PSG5: variants seen among roughly 807,000 people sequenced by gnomAD.
The protein encoded by PSG5 is pregnancy specific beta-1-glycoprotein 5.
In PSG5, 53 loss-of-function variants were observed where a neutral mutation model predicts 37.7. That is an observed-to-expected ratio of 1.41 (90% CI 1.13 to 1.77). The LOEUF (loss-of-function observed/expected upper bound fraction) is 1.77, where lower values mean the gene tolerates loss of function less well. Among genes scored for constraint, PSG5 ranks in the 40% most tolerant of loss-of-function variants. PSG5 has a pLI of 0.00. For missense variants in PSG5, 547 were observed against 405.2 expected, an observed-to-expected ratio of 1.35 and a Z score of -3.00; for synonymous variants, 221 against 155.4, an observed-to-expected ratio of 1.42 and a Z score of -3.14.
At chr19:43,169,189 C>A (rs538491574) in intron 5 of PSG5, among the ~76,000 whole-genome samples, 22 of 151,776 alleles carry the variant, frequency 1.4e-4, no homozygotes, top group African/African-American at 4.8e-4. Flanking sequence ...ATTTTCAGGT[C>A]TCATTTCCTG....
At chr19:43,168,295 C>T (rs1187722500) in intron 5 of PSG5, 92 bp from the exon 6 acceptor site, 3 of 351,840 alleles carry the variant, frequency 8.5e-6, no homozygotes, top group Non-Finnish European at 1.6e-5. Context: ...AATCCAGTTA[C>T]TTCTGTGGCA....
intron 1 of PSG5, among the ~76,000 whole-genome samples, chr19:43,185,779 T>A (rs533894999): frequency 1.3e-5 from 2 of 151,014 alleles, no homozygotes; most frequent in African/African-American, 4.9e-5. Context: ...CTGAGGACAG[T>A]GTTTCATGTC....
At position 43,175,254 on chromosome 19, in the gene PSG5, C is replaced by T. The variant is rs745777933; in HGVS notation, c.925G>A (p.Gly309Ser). ...GTCATGGATTTGGAGCTTTCCTTGC[C>T]AGTAGCTGAGTTACGAACAGAGCAA... ...YTCSVRNSATGKESSKSMTVE... is the reference protein window; with the variant it reads ...YTCSVRNSATSKESSKSMTVE... The change falls in exon 4 of 6, where the codon GGC becomes AGC. Residue 309 changes from glycine (G) to serine (S), a missense_variant. Transcript: ENST00000342951. The T allele has an allele frequency of 6.2e-7, 1 of 1,612,708 alleles. No homozygotes were observed.
intron 4 of PSG5, among the ~76,000 whole-genome samples, chr19:43,171,983 C>CAAAAAAAAAAAAAAA (rs60198220): frequency 1.9e-4 from 20 of 105,122 alleles, no homozygotes; most frequent in African/African-American, 7.2e-4. Context: ...TCCCTCTCTT[C>CAAAAAAAAAAAAAAA]AAAAAAAAAA....
chr19:43,167,949 A>T lies in PSG5; in HGVS notation c.*295T>A. 2.5e-6 allele frequency: 1 copy of T among 394,698 alleles called. No individual in the cohort carries two copies. Among genetic ancestry groups the T allele is most frequent in the Middle Eastern group, 4.6e-4 (1 of 2,166 alleles). 24.4% of individuals were successfully genotyped at this position (394,698 alleles called of 1,614,324 possible). A position where few individuals can be genotyped will look rare whatever the true frequency, so the allele number is the denominator to read the frequency against. On this transcript the variant is annotated 3_prime_UTR_variant, in exon 6 of 6. Coordinates refer to ENST00000342951, the MANE Select transcript of PSG5 (RefSeq NM_002781.4). ...TCAGCACATTTTCAAATAGAAAATT[A>T]TGAAAACATTATGCTTTTGATTATT...
intron 1 of PSG5, 99 bp downstream of exon 1, chr19:43,186,243 T>C: frequency 6.3e-7 from 1 of 1,578,972 alleles, no homozygotes; most frequent in East Asian, 2.2e-5. Flanking sequence ...CCCAAAGTGC[T>C]GGCTTCTTTT....
Position 43,175,249 on chromosome 19 carries a change from C to T in PSG5, c.930G>A (p.Lys310=). 6.2e-7 allele frequency: 1 copy of T among 1,612,700 alleles called. No homozygotes were observed. The highest frequency in any genetic ancestry group is 8.5e-7 in the Non-Finnish European group (1 of 1,179,184). Residue 310 remains lysine (K), a synonymous_variant, in exon 4 of 6, where the codon AAG becomes AAA. Coordinates refer to ENST00000342951, the MANE Select transcript of PSG5 (RefSeq NM_002781.4). ...CGACTGTCATGGATTTGGAGCTTTCCTTGCCAGTAGCTGAGTTACGAACAG... is the reference window on the plus strand; with the variant it reads ...CGACTGTCATGGATTTGGAGCTTTCTTTGCCAGTAGCTGAGTTACGAACAG... ...TCSVRNSATG[K]ESSKSMTVEV... is the part of the protein sequence containing the mutation.
At chr19:43,171,054 T>C (rs1252403841) in intron 4 of PSG5, 1 of 151,548 alleles carries the variant, frequency 6.6e-6, no homozygotes, top group Non-Finnish European at 1.5e-5. Flanking sequence ...CTGTGCTAAA[T>C]ACTTTACCTG....
intron 1 of PSG5, among the ~76,000 whole-genome samples, chr19:43,186,116 C>A (rs566904779): frequency 1.5e-4 from 23 of 151,158 alleles, no homozygotes; most frequent in Non-Finnish European, 2.4e-4. Flanking sequence ...AGCTAGGATT[C>A]CAAGAGCACA....
intron 2 of PSG5, among the ~76,000 whole-genome samples, chr19:43,181,648 C>T (rs1377161326): frequency 6.6e-6 from 1 of 151,580 alleles, no homozygotes; most frequent in Non-Finnish European, 1.5e-5. Flanking sequence ...TTAGTAGAGA[C>T]GGAGTTTCAA....
chr19:43,183,463 G>A (rs377060670), intron 2 of PSG5: 2 of 529,512 alleles, frequency 3.8e-6, no homozygotes, highest in African/African-American at 3.9e-5. Context: ...GCCTGTGCTG[G>A]AGCAGGGTCT....
chr19:43,175,892 G>A lies in PSG5; in HGVS notation c.687C>T (p.Asp229=), dbSNP rs749505835. 2 of 1,612,472 alleles carry A rather than the reference G, an allele frequency of 1.2e-6. No homozygotes were observed. Among genetic ancestry groups the A allele is most frequent in the East Asian group, 2.2e-5 (1 of 44,870 alleles). The change falls in exon 3 of 6, where the codon GAC becomes GAT. Residue 229 remains aspartate, a synonymous_variant. Transcript: ENST00000342951. ...CACAGAGGACATTCAGGGTGACTGG[G>A]TCACTGCGCATGCCACCATCTCGGT... is the stretch of plus-strand genomic sequence containing the variant. The part of the protein sequence containing the change: ...IRDRDGGMRS[D]PVTLNVLYGP...
chr19:43,180,293 T>C (rs533393635), intron 2 of PSG5: 1 of 151,720 alleles, frequency 6.6e-6, no homozygotes, highest in East Asian at 1.9e-4. Flanking sequence ...CTCGTGCCTA[T>C]ACTTCATGCA....
rs1400845878 is a variant in PSG5 at position 43,186,474 on chromosome 19, T to G, written c.-69A>C. 6 of 1,599,962 alleles carry G rather than the reference T, an allele frequency of 3.8e-6. No individual in the cohort carries two copies. In the Admixed American group the frequency reaches 6.8e-5, roughly 18 times the overall value. ...GATCCAGAAACTTCCTGAGCACGGC[T>G]GTAGGCTGTGCTGTCCTTCCTCCTT... is the stretch of plus-strand genomic sequence containing the variant. On this transcript the variant is annotated 5_prime_UTR_variant, in exon 1 of 6. Transcript: ENST00000342951.
At position 43,175,360 on chromosome 19, in the gene PSG5, C is replaced by A; in HGVS notation, c.819G>T (p.Trp273Cys). ...AESNPPAEYF[W>C]TINGKFQQSG... Reference sequence around the variant, plus strand: ...ATTGCTGAAACTTCCCATTAATTGTCCAAAAATACTCTGCCGGTGGGTTAG... The same window carrying A: ...ATTGCTGAAACTTCCCATTAATTGTACAAAAATACTCTGCCGGTGGGTTAG... The change falls in exon 4 of 6, where the codon TGG becomes TGT. Residue 273 changes from tryptophan to cysteine, a missense_variant. Trp to Cys is a radical substitution (Grantham distance 215). Transcript: ENST00000342951. 1 of 1,612,794 alleles carries A rather than the reference C, an allele frequency of 6.2e-7. No individual in the cohort carries two copies. The highest frequency in any genetic ancestry group is 8.5e-7 in the Non-Finnish European group (1 of 1,179,266).
intron 4 of PSG5, chr19:43,170,997 T>A (rs1968894048): frequency 6.8e-6 from 1 of 146,278 alleles, no homozygotes; most frequent in Non-Finnish European, 1.5e-5. Flanking sequence ...TCCATATATA[T>A]GGAAAAAGGT....
chr19:43,184,773 A>G lies in PSG5; in HGVS notation c.430+9T>C. ...CCCCAACACCCAGGGATCATGTGGA[A>G]TCACTCACGGTATAAGTTGAAGGTG... On this transcript the variant is annotated intron_variant, in intron 2 of 5. Transcript: ENST00000342951. 6.2e-7 allele frequency: 1 copy of G among 1,612,084 alleles called. No homozygotes were observed. Among genetic ancestry groups the G allele is most frequent in the African/African-American group, 1.3e-5 (1 of 74,616 alleles).
At chr19:43,175,840 C>A in intron 3 of PSG5, 30 bp downstream of exon 3, 1 of 1,610,130 alleles carries the variant, frequency 6.2e-7, no homozygotes, top group Non-Finnish European at 8.5e-7. Flanking sequence ...AGCTGGTGTC[C>A]TGGCCCACAG....
intron 4 of PSG5, among the ~76,000 whole-genome samples, chr19:43,172,116 A>C (rs1346393427): frequency 6.6e-6 from 1 of 151,566 alleles, no homozygotes; most frequent in Non-Finnish European, 1.5e-5. Context: ...AAATAGACAA[A>C]CTCCTAGAAA....
Sources: gnomAD v4.1 joint callset for allele counts (sites outside exome capture counted in the v4.1 genomes callset) on GRCh38, gnomAD v4.1.1 for gene constraint, MANE v1.5 for transcripts, NCBI Gene and HGNC (gene_info 2026-07-23, HGNC 2026-07-21) for gene names.